The following PDXDC1 variants were observed in gnomAD, a reference collection of about 807,000 sequenced individuals.
PDXDC1 encodes the protein pyridoxal dependent decarboxylase domain containing 1, also known as pyridoxal-dependent decarboxylase domain-containing protein 1.
In PDXDC1, 42 loss-of-function variants were observed where a neutral mutation model predicts 100.1. That is an observed-to-expected ratio of 0.42 (90% confidence interval 0.33 to 0.54). The LOEUF (loss-of-function observed/expected upper bound fraction) is 0.54. PDXDC1 is among the 20% of genes least tolerant of loss of function. The pLI, the probability that PDXDC1 is intolerant of heterozygous loss-of-function variation, is 0.10. For missense variants in PDXDC1, 636 were observed against 979.2 expected (o/e 0.65, Z 4.68); for synonymous variants, 260 against 371.7 (o/e 0.70, Z 3.46).
chr16:15,051,853 G>A (rs1212208657), intron 16 of PDXDC1, among the ~76,000 whole-genome samples: 2 of 151,974 alleles, frequency 1.3e-5, no homozygotes, highest in African/African-American at 4.8e-5. Flanking sequence ...ACAGGCGCAC[G>A]CCACCACACT....
At chr16:15,078,083 T>A (rs1339549847) in intron 16 of PDXDC1, among the ~76,000 whole-genome samples, 1 of 152,210 alleles carries the variant, frequency 6.6e-6, no homozygotes, top group Non-Finnish European at 1.5e-5. Flanking sequence ...CATGCCATTT[T>A]TTATTATCTA....
rs774742925 is a variant in PDXDC1, at chr16:15,086,446, C to G, written c.1400-52433C>G. 1.2e-5 allele frequency: 20 copies of G among 1,611,506 alleles called. No homozygotes were observed. The Admixed American group carries it at 3.0e-4, about 24-fold the overall frequency. On this transcript the variant is annotated intron_variant, in intron 16 of 16. Transcript: ENST00000535621. The stretch of plus-strand genomic sequence containing the variant: ...GGAATTCTAGCAGCCAGTTGATGAT[C>G]TGGTCATCCTTAAGTTAAACAAAGA...
chr16:15,114,816 GAT>G lies in PDXDC1; in HGVS notation c.1400-24060_1400-24059del, dbSNP rs1433666117. Among the ~76,000 whole-genome samples, 3 of 129,380 alleles carry G rather than the reference GAT, an allele frequency of 2.3e-5. No individual in the cohort carries two copies. The Admixed American group carries it at 2.4e-4, about 10-fold the overall frequency. 84.9% of individuals were successfully genotyped at this position (129,380 alleles called of 152,430 possible). ...GTTGTCTTTCTTGGTATAAAGCAGG[GAT>G]ATCCAATCTTTTGACTTCCCTGCCT... On this transcript the variant is annotated intron_variant, in intron 16 of 16. Coordinates refer to the PDXDC1 transcript ENST00000535621.
intron 16 of PDXDC1, chr16:15,073,165 T>C: frequency 6.9e-7 from 1 of 1,455,890 alleles, no homozygotes. Flanking sequence ...CACAACACCA[T>C]TAAAAAACAA....
At chr16:14,994,853 C>A (rs1178795109) in intron 1 of PDXDC1, among the ~76,000 whole-genome samples, 1 of 152,290 alleles carries the variant, frequency 6.6e-6, no homozygotes, top group Non-Finnish European at 1.5e-5. Flanking sequence ...AGAGGTCGTT[C>A]ACATCCCTTG....
At chr16:14,990,198 G>C in intron 1 of PDXDC1, 7 of 1,101,800 alleles carry the variant, frequency 6.4e-6, no homozygotes, top group Non-Finnish European at 7.8e-6. Context: ...GAGGGCGGCC[G>C]CCGGGCCCGC....
At chr16:15,133,440 G>C in intron 16 of PDXDC1, 3 of 979,102 alleles carry the variant, frequency 3.1e-6, no homozygotes, top group Non-Finnish European at 4.7e-6. Context: ...GCAGAGGGGG[G>C]TGGTGAGCAG....
chr16:14,996,174 AC>A (rs1350687357), intron 1 of PDXDC1, among the ~76,000 whole-genome samples: 1 of 152,292 alleles, frequency 6.6e-6, no homozygotes, highest in African/African-American at 2.4e-5. Context: ...AAATCCCTGG[AC>A]TAGATCCCTT....
chr16:15,125,975 C>A lies in PDXDC1; in HGVS notation c.1400-12904C>A, dbSNP rs561717938. On this transcript the variant is annotated intron_variant, in intron 16 of 16. Coordinates refer to the PDXDC1 transcript ENST00000535621. ...CACCGTCCGTGATGGCAGCCCCTCG[C>A]GACGTGTGCCACTGAACACTTGACA... is the stretch of plus-strand genomic sequence containing the variant. 1.1e-4 allele frequency: 64 copies of A among 601,294 alleles called. No individual in the cohort carries two copies. In the African/African-American group the frequency reaches 1.1e-3, roughly 10 times the overall value. The allele number at this position is 601,294 out of a possible 1,614,324, so 37.2% of individuals were successfully genotyped here.
chr16:15,027,871 G>A (rs1440254485), intron 14 of PDXDC1, among the ~76,000 whole-genome samples: 2 of 152,278 alleles, frequency 1.3e-5, no homozygotes, highest in Non-Finnish European at 2.9e-5. Flanking sequence ...TGCAACATTT[G>A]GGGGAAGGCA....
intron 16 of PDXDC1, chr16:15,072,845 A>G: frequency 8.5e-7 from 1 of 1,175,020 alleles, no homozygotes; most frequent in South Asian, 1.4e-5. Context: ...AAGCTCAAAG[A>G]AAAGAATTAT....
At chr16:15,077,199 G>A (rs1361707293) in intron 16 of PDXDC1, among the ~76,000 whole-genome samples, 5 of 151,612 alleles carry the variant, frequency 3.3e-5, no homozygotes, top group Non-Finnish European at 5.9e-5. Flanking sequence ...GGCTGGTCTC[G>A]AACTCCTGAC....
chr16:15,102,295 G>A (rs932620477), intron 16 of PDXDC1, among the ~76,000 whole-genome samples: 8 of 152,010 alleles, frequency 5.3e-5, no homozygotes, highest in Admixed American at 1.3e-4. Context: ...CCTGGCCTCT[G>A]AGGAGGATTT....
At chr16:14,984,316 T>C (rs1352478783) in intron 1 of PDXDC1, among the ~76,000 whole-genome samples, 1 of 11,628 alleles carries the variant, frequency 8.6e-5, no homozygotes, top group South Asian at 3.0e-3. Context: ...CACCCCCGCC[T>C]TTTTTTTTTT....
chr16:15,073,144 T>C (rs2045306648), intron 16 of PDXDC1: 6 of 1,544,448 alleles, frequency 3.9e-6, no homozygotes, highest in South Asian at 3.5e-5. Flanking sequence ...ATCTGCCATA[T>C]TTTTTATAAA....
At chr16:15,033,481 C>G (rs1363585408) in intron 19 of PDXDC1, 82 bp downstream of exon 19, 1 of 1,441,528 alleles carries the variant, frequency 6.9e-7, no homozygotes, top group Admixed American at 1.7e-5. Context: ...AGCAGCTGCC[C>G]TTGGGATGTC....
intron 16 of PDXDC1, among the ~76,000 whole-genome samples, chr16:15,111,238 C>T (rs1360717211): frequency 1.3e-5 from 2 of 148,212 alleles, no homozygotes; most frequent in Non-Finnish European, 3.0e-5. Flanking sequence ...AGGCGGATCA[C>T]CTGAGGTCGG....
At chr16:15,015,129 G>C (rs1217186326) in intron 8 of PDXDC1, among the ~76,000 whole-genome samples, 1 of 152,204 alleles carries the variant, frequency 6.6e-6, no homozygotes, top group African/African-American at 2.4e-5. Context: ...TTTTAGTAGA[G>C]ACGGGATTTC....
chr16:15,130,817 G>A (rs770023185), intron 16 of PDXDC1: 50 of 849,838 alleles, frequency 5.9e-5, no homozygotes, highest in South Asian at 4.3e-4. Context: ...CAGGTCACAC[G>A]CCTGCTGGGA....
Sources: gnomAD v4.1 joint callset for allele counts (sites outside exome capture counted in the v4.1 genomes callset) on GRCh38, gnomAD v4.1.1 for gene constraint, MANE v1.5 for transcripts, NCBI Gene and HGNC (gene_info 2026-07-23, HGNC 2026-07-21) for gene names.